RP2: variants seen among roughly 807,000 people sequenced by gnomAD.
The protein encoded by RP2 is RP2 activator of ARL3 GTPase, also known as protein XRP2.
RP2 carries 3 observed loss-of-function variants against 20.3 expected under a neutral mutation model. That is an observed-to-expected ratio of 0.15 (90% CI 0.07 to 0.38). RP2 has a LOEUF of 0.38. RP2 is among the 10% of genes least tolerant of loss of function. The pLI is 1.00. For synonymous variants in RP2, 75 were observed against 94.8 expected, an observed-to-expected ratio of 0.79 and a Z score of 1.22; for missense variants, 233 against 268.5, an observed-to-expected ratio of 0.87 and a Z score of 0.92.
At position 46,882,205 on chromosome X, in the gene RP2, TTA is replaced by T. The variant is rs1229743953; in HGVS notation, c.*2440_*2441del. 1 of 112,589 alleles carries T rather than the reference TTA, an allele frequency of 8.9e-6. No individual in the cohort carries two copies. Among genetic ancestry groups the T allele is most frequent in the African/African-American group, 3.2e-5 (1 of 30,991 alleles). 9.3% of individuals were successfully genotyped at this position (112,589 alleles called of 1,213,427 possible). On this transcript the variant is annotated 3_prime_UTR_variant, in exon 5 of 5. Coordinates refer to ENST00000218340, the MANE Select transcript of RP2 (RefSeq NM_006915.3). ...ATGAAAAATTGGTAATTTTATTAAG[TTA>T]TATGTGTTTAAATATTATATTAGCT... is the stretch of plus-strand genomic sequence containing the variant.
In RP2 at chrX:46,853,488, G is replaced by A; in HGVS notation, c.115G>A (p.Asp39Asn). ...WDQREKVDPK[D>N]YMFSGLKDET... ...TTTGTTCCTGCAGGTTGATCCAAAA[G>A]ACTACATGTTCAGTGGACTGAAGGA... The change falls in exon 2 of 5, where the codon GAC becomes AAC. Residue 39 changes from aspartate (D) to asparagine (N), a missense_variant. This residue lies in a region of RP2 where 77 missense variants were observed against 71.8 expected (regional missense o/e 1.07). Transcript: ENST00000218340. 2 of 1,209,660 alleles carry A rather than the reference G, an allele frequency of 1.7e-6. No individual in the cohort carries two copies. Among genetic ancestry groups the A allele is most frequent in the Non-Finnish European group, 2.2e-6 (2 of 894,414 alleles).
intron 3 of RP2, among the ~76,000 whole-genome samples, chrX:46,877,154 A>T: frequency 8.9e-6 from 1 of 111,999 alleles, no homozygotes; most frequent in Non-Finnish European, 1.9e-5. Context: ...ATTGCTTTTG[A>T]TCTTATTTGC....
chrX:46,846,457 T>A (rs1335231318), intron 1 of RP2, among the ~76,000 whole-genome samples: 2 of 109,536 alleles, frequency 1.8e-5, no homozygotes, highest in Non-Finnish European at 3.8e-5. Flanking sequence ...CAGAGTGGCA[T>A]ATGCCTGTAG....
intron 1 of RP2, among the ~76,000 whole-genome samples, chrX:46,852,645 C>G (rs184390143): frequency 1.8e-5 from 2 of 110,898 alleles, no homozygotes; most frequent in African/African-American, 6.5e-5. Context: ...TGCAGTGGTG[C>G]GATCTCGGCT....
intron 1 of RP2, among the ~76,000 whole-genome samples, chrX:46,840,763 T>G (rs1924606099): frequency 8.9e-6 from 1 of 112,180 alleles, no homozygotes; most frequent in Non-Finnish European, 1.9e-5. Context: ...GTTTTCATCT[T>G]CCAGTATTCA....
chrX:46,851,936 G>C (rs1451081821), intron 1 of RP2, among the ~76,000 whole-genome samples: 1 of 111,326 alleles, frequency 9.0e-6, no homozygotes, highest in Non-Finnish European at 1.9e-5. Context: ...GCATGGTGGC[G>C]GGTGCCTGTA....
intron 2 of RP2, among the ~76,000 whole-genome samples, chrX:46,855,104 T>G (rs1256017328): frequency 3.6e-5 from 4 of 111,386 alleles, no homozygotes; most frequent in Non-Finnish European, 7.5e-5. Flanking sequence ...GACCCTGTTG[T>G]GACTGTGAGA....
At position 46,837,151 on chromosome X, in the gene RP2, C is replaced by G. The variant is rs370530958; in HGVS notation, c.51C>G (p.Pro17=). ...KRRKADKESR[P]ENEEERPKQY... ...GGAAGGCTGACAAGGAGTCGCGGCC[C>G]GAGAACGAGGAGGAGCGGCCAAAGC... is the stretch of plus-strand genomic sequence containing the variant. The change falls in exon 1 of 5, where the codon CCC becomes CCG. Residue 17 remains proline, a synonymous_variant. Transcript: ENST00000218340. 35 of 1,169,571 alleles carry G rather than the reference C, an allele frequency of 3.0e-5. No individual in the cohort carries two copies. The highest frequency in any genetic ancestry group is 5.7e-5 in the South Asian group (3 of 52,662).
chrX:46,866,035 G>A (rs1334249095), intron 3 of RP2, among the ~76,000 whole-genome samples: 13 of 111,094 alleles, frequency 1.2e-4, no homozygotes, highest in Admixed American at 2.9e-4. Flanking sequence ...AAATTGTTCT[G>A]GTTTTAACCA....
chrX:46,877,608 CTG>C lies in RP2; in HGVS notation c.969+20_969+21del. ...GGACCAAGGTACAAGATTTTATTGA[CTG>C]TATTTCAATCTAACTTTTCATTTCA... On this transcript the variant is annotated intron_variant, in intron 4 of 4. Coordinates refer to ENST00000218340, the MANE Select transcript of RP2 (RefSeq NM_006915.3). The C allele has an allele frequency of 9.7e-7, 1 of 1,030,994 alleles. No individual in the cohort carries two copies. Among genetic ancestry groups the C allele is most frequent in the African/African-American group, 1.8e-5 (1 of 54,308 alleles). 85.0% of individuals were successfully genotyped at this position (1,030,994 alleles called of 1,213,427 possible). A position where few individuals can be genotyped will look rare whatever the true frequency, so the allele number is the denominator to read the frequency against.
chrX:46,876,668 T>C (rs1338094764), intron 3 of RP2, among the ~76,000 whole-genome samples: 5 of 111,629 alleles, frequency 4.5e-5, no homozygotes, highest in African/African-American at 9.8e-5. Flanking sequence ...ATGCCCAATG[T>C]AGTGTAACCT....
intron 3 of RP2, among the ~76,000 whole-genome samples, chrX:46,864,486 C>T (rs1165351696): frequency 9.2e-6 from 1 of 108,948 alleles, no homozygotes; most frequent in Non-Finnish European, 1.9e-5. Flanking sequence ...TCGAGCAATC[C>T]TCCCACCTCT....
chrX:46,869,571 C>T (rs1401739227), intron 3 of RP2, among the ~76,000 whole-genome samples: 3 of 99,875 alleles, frequency 3.0e-5, no homozygotes, highest in Non-Finnish European at 4.0e-5. Context: ...CGTGAGCTAC[C>T]GTGCCCGGCC....
intron 3 of RP2, among the ~76,000 whole-genome samples, chrX:46,868,582 C>T (rs1446233891): frequency 9.5e-6 from 1 of 105,340 alleles, no homozygotes; most frequent in South Asian, 4.3e-4. Context: ...GCCAGAAGTT[C>T]GAGACCAGCC....
chrX:46,847,757 T>TATACACACATATGTGTGTGTGTAC (rs1924758103), intron 1 of RP2, among the ~76,000 whole-genome samples: 1 of 87,509 alleles, frequency 1.1e-5, no homozygotes, highest in Non-Finnish European at 2.2e-5. Flanking sequence ...TGTGTGTGTA[T>TATACACACATATGTGTGTGTGTAC]ATACACACAT....
intron 1 of RP2, among the ~76,000 whole-genome samples, chrX:46,850,719 G>T (rs1307061482): frequency 9.0e-6 from 1 of 111,365 alleles, no homozygotes; most frequent in Admixed American, 9.6e-5. Context: ...CAGAACTTCC[G>T]CCCCACTTCT....
intron 3 of RP2, among the ~76,000 whole-genome samples, chrX:46,866,185 A>G (rs1293359972): frequency 1.8e-5 from 2 of 111,404 alleles, no homozygotes; most frequent in African/African-American, 6.5e-5. Flanking sequence ...ACTAGTATCA[A>G]CCATTTCTCC....
At chrX:46,862,488 G>T (rs782047540) in intron 3 of RP2, among the ~76,000 whole-genome samples, 64 of 110,297 alleles carry the variant, frequency 5.8e-4, no homozygotes, top group Admixed American at 2.1e-3. Context: ...GTGAAACCCC[G>T]TCTCTACTAA....
At chrX:46,852,193 C>T (rs781927814) in intron 1 of RP2, among the ~76,000 whole-genome samples, 38 of 106,278 alleles carry the variant, frequency 3.6e-4, no homozygotes, top group Non-Finnish European at 6.0e-4. Flanking sequence ...GGCGACAGAG[C>T]GAGACTCCGT....
Sources: allele counts gnomAD v4.1 joint callset (sites outside exome capture counted in the v4.1 genomes callset), GRCh38; gene constraint gnomAD v4.1.1; regional missense constraint gnomAD v4.1.1; transcripts MANE v1.5; gene names NCBI Gene and HGNC (gene_info 2026-07-23, HGNC 2026-07-21).